Variants in DNM3 observed in about 807,000 individuals in gnomAD.
DNM3 encodes the protein dynamin 3.
A neutral mutation model predicts 101.6 loss-of-function variants in DNM3; 47 were observed. The observed-to-expected ratio is 0.46, with a 90% confidence interval of 0.37 to 0.59. DNM3 has a LOEUF of 0.59. DNM3 is among the 20% of genes least tolerant of loss of function. DNM3 has a pLI of 0.00. For synonymous variants in DNM3, 385 were observed against 387.9 expected (o/e 0.99, Z 0.09); for missense variants, 849 against 1,085.7 (o/e 0.78, Z 3.06).
At chr1:172,253,531 TCTC>T (rs1557885975) in intron 14 of DNM3, 39 bp from the exon 15 acceptor site, 4 of 838,004 alleles carry the variant, frequency 4.8e-6, no homozygotes, top group Non-Finnish European at 7.1e-6. Flanking sequence ...TCTCCTCTCC[TCTC>T]CTCTCCTCTC....
chr1:172,390,400 C>T lies in DNM3; in HGVS notation c.2522+1591C>T, dbSNP rs555575074. Among the ~76,000 whole-genome samples, 144 of 152,348 alleles carry T rather than the reference C, an allele frequency of 9.5e-4. 1 individual carries two copies. Among genetic ancestry groups the T allele is most frequent in the African/African-American group, 3.4e-3 (142 of 41,576 alleles). On this transcript the variant is annotated intron_variant, in intron 20 of 20. Transcript: ENST00000627582. ...CTGGACTTTAATCCCATGCAGTCTG[C>T]TTCCAAAGCCATTTCCTGACCATGA...
intron 14 of DNM3, among the ~76,000 whole-genome samples, chr1:172,188,610 G>T (rs1050445751): frequency 6.6e-6 from 1 of 151,948 alleles, no homozygotes; most frequent in Non-Finnish European, 1.5e-5. Context: ...GCAGTTTTTT[G>T]GCAATTATGA....
At chr1:172,031,372 G>A (rs1290333997) in intron 4 of DNM3, among the ~76,000 whole-genome samples, 1 of 152,132 alleles carries the variant, frequency 6.6e-6, no homozygotes, top group Non-Finnish European at 1.5e-5. Context: ...GACACAGGGA[G>A]GGGAACAACA....
At chr1:172,064,087 C>A (rs895083842) in intron 10 of DNM3, among the ~76,000 whole-genome samples, 1 of 151,990 alleles carries the variant, frequency 6.6e-6, no homozygotes, top group Non-Finnish European at 1.5e-5. Context: ...AGCAGTTGCA[C>A]CATGAATGAC....
At chr1:172,101,465 G>A (rs2054634189) in intron 13 of DNM3, among the ~76,000 whole-genome samples, 1 of 152,076 alleles carries the variant, frequency 6.6e-6, no homozygotes, top group African/African-American at 2.4e-5. Flanking sequence ...CTGTACCTCA[G>A]TTTTCTAATC....
intron 1 of DNM3, among the ~76,000 whole-genome samples, chr1:171,921,017 A>G (rs1383929653): frequency 6.6e-6 from 1 of 151,964 alleles, no homozygotes; most frequent in Non-Finnish European, 1.5e-5. Context: ...TCTGCCTCCC[A>G]GGCTCAAGCG....
intron 4 of DNM3, among the ~76,000 whole-genome samples, chr1:171,994,337 G>A (rs375847644): frequency 2.6e-5 from 4 of 152,080 alleles, no homozygotes; most frequent in Middle Eastern, 3.4e-3. Context: ...ATTCTTTGTC[G>A]TGTGTGGCCA....
chr1:172,367,187 T>A lies in DNM3; in HGVS notation c.1894-11831T>A, dbSNP rs139221143. Among the ~76,000 whole-genome samples, 561 of 151,476 alleles carry A rather than the reference T, an allele frequency of 3.7e-3. 3 individuals carry two copies. Among genetic ancestry groups the A allele is most frequent in the African/African-American group, 0.013 (531 of 41,354 alleles). ...AGACACCTTATAGGCTAGGAAAGAA[T>A]GGGATGATAAATTCAAAGCACTGAA... On this transcript the variant is annotated intron_variant, in intron 17 of 20. Coordinates refer to ENST00000627582, the MANE Select transcript of DNM3 (RefSeq NM_015569.5).
intron 1 of DNM3, among the ~76,000 whole-genome samples, chr1:171,885,359 T>C (rs985052295): frequency 6.6e-6 from 1 of 152,220 alleles, no homozygotes; most frequent in Non-Finnish European, 1.5e-5. Context: ...TACATACTTA[T>C]GTTGTACTTT....
intron 15 of DNM3, among the ~76,000 whole-genome samples, chr1:172,299,165 G>A (rs1048133394): frequency 2.0e-4 from 30 of 152,180 alleles, no homozygotes; most frequent in Non-Finnish European, 3.5e-4. Flanking sequence ...GGAAGTAAGC[G>A]TGGCACATCT....
At chr1:171,894,414 TA>T (rs530411102) in intron 1 of DNM3, among the ~76,000 whole-genome samples, 213 of 152,274 alleles carry the variant, frequency 1.4e-3, no homozygotes, top group African/African-American at 4.9e-3. Context: ...TTATTTTATT[TA>T]TTTTTTTGAT....
chr1:172,314,161 T>C (rs2065205217), intron 16 of DNM3, among the ~76,000 whole-genome samples: 1 of 152,178 alleles, frequency 6.6e-6, no homozygotes, highest in African/African-American at 2.4e-5. Context: ...TGCACACGTA[T>C]GTTTATTGCA....
intron 6 of DNM3, among the ~76,000 whole-genome samples, chr1:172,037,242 G>A (rs1304017514): frequency 6.6e-6 from 1 of 152,152 alleles, no homozygotes; most frequent in Admixed American, 6.5e-5. Flanking sequence ...TGATTCCTCA[G>A]GGATCTAGAA....
At chr1:172,201,211 ACT>A (rs1247940199) in intron 14 of DNM3, among the ~76,000 whole-genome samples, 1 of 151,462 alleles carries the variant, frequency 6.6e-6, no homozygotes, top group Non-Finnish European at 1.5e-5. Flanking sequence ...CAGTTGGTAG[ACT>A]CTTGCTCAGT....
chr1:172,408,638 C>T lies in DNM3; in HGVS notation c.*797C>T. 1.0e-6 allele frequency: 1 copy of T among 984,928 alleles called. No homozygotes were observed. The highest frequency in any genetic ancestry group is 4.7e-5 in the South Asian group (1 of 21,276). The allele number at this position is 984,928 out of a possible 1,614,324, so 61.0% of individuals were successfully genotyped here. A position where few individuals can be genotyped will look rare whatever the true frequency, so the allele number is the denominator to read the frequency against. On this transcript the variant is annotated 3_prime_UTR_variant, in exon 21 of 21. Coordinates refer to ENST00000627582, the MANE Select transcript of DNM3 (RefSeq NM_015569.5). ...TAATTTCTTTCTTTACTTATATTCA[C>T]CTCATGGTAGGTTATATTGAAGGCT...
intron 15 of DNM3, among the ~76,000 whole-genome samples, chr1:172,303,631 A>C (rs562995607): frequency 4.3e-4 from 65 of 152,328 alleles, no homozygotes; most frequent in African/African-American, 1.3e-3. Context: ...GCCAGAGAGA[A>C]AGGTCGGGTT....
chr1:171,919,281 T>G (rs962860829), intron 1 of DNM3, among the ~76,000 whole-genome samples: 6 of 152,192 alleles, frequency 3.9e-5, no homozygotes, highest in Non-Finnish European at 8.8e-5. Context: ...ACATTAGGTA[T>G]TTCTCCTAAT....
intron 4 of DNM3, among the ~76,000 whole-genome samples, chr1:172,011,145 G>C (rs1200499500): frequency 6.6e-6 from 1 of 151,864 alleles, no homozygotes; most frequent in East Asian, 1.9e-4. Flanking sequence ...AGAGTTTACT[G>C]ATATCAACCT....
intron 2 of DNM3, among the ~76,000 whole-genome samples, chr1:171,985,483 A>G (rs2045182924): frequency 6.6e-6 from 1 of 152,206 alleles, no homozygotes; most frequent in Non-Finnish European, 1.5e-5. Flanking sequence ...AACATGCCTT[A>G]TCTTGATGAA....
Sources: allele counts gnomAD v4.1 joint callset (sites outside exome capture counted in the v4.1 genomes callset), GRCh38; gene constraint gnomAD v4.1.1; transcripts MANE v1.5; gene names NCBI Gene and HGNC (gene_info 2026-07-23, HGNC 2026-07-21).